The following SDK1 variants were observed in gnomAD, a reference collection of about 807,000 sequenced individuals.
SDK1 encodes the protein sidekick cell adhesion molecule 1.
In SDK1, 157 loss-of-function variants were observed where a neutral mutation model predicts 245.5. The observed-to-expected ratio is 0.64, with a 90% confidence interval of 0.56 to 0.73. SDK1 has a LOEUF of 0.73. SDK1 is among the 30% of genes least tolerant of loss of function. SDK1 has a pLI of 0.00. For missense variants in SDK1, 3,583 were observed against 3,002.3 expected (o/e 1.19, Z -4.52); for synonymous variants, 1,647 against 1,278.5 (o/e 1.29, Z -6.15).
rs138240297 is a variant in SDK1 at position 3,899,402 on chromosome 7, A to G, written c.848-51521A>G. ...TAGCCAAAAGGCCCATTTAAATCCT[A>G]TGTCTACCACGTGAGATGCAACTTA... On this transcript the variant is annotated intron_variant, in intron 5 of 44. Transcript: ENST00000404826. Among the ~76,000 whole-genome samples, 595 of 152,220 alleles carry G rather than the reference A, an allele frequency of 3.9e-3. 2 individuals are homozygous for G. Among genetic ancestry groups the G allele is most frequent in the Middle Eastern group, 6.8e-3 (2 of 294 alleles).
At chr7:3,585,193 A>G (rs771591729) in intron 1 of SDK1, among the ~76,000 whole-genome samples, 104 of 152,304 alleles carry the variant, frequency 6.8e-4, no homozygotes, top group Non-Finnish European at 1.2e-3. Context: ...ACTCTGACTG[A>G]GTGCTAGAGA....
intron 1 of SDK1, among the ~76,000 whole-genome samples, chr7:3,400,500 A>C (rs1778860517): frequency 6.6e-6 from 1 of 152,164 alleles, no homozygotes; most frequent in African/African-American, 2.4e-5. Flanking sequence ...CCATTTTATC[A>C]ACTTAGAAAC....
chr7:3,862,608 A>G (rs2115119779), intron 5 of SDK1, among the ~76,000 whole-genome samples: 1 of 152,320 alleles, frequency 6.6e-6, no homozygotes, highest in South Asian at 2.1e-4. Context: ...GCAAAGCTTG[A>G]ATAGTCAGTG....
intron 1 of SDK1, among the ~76,000 whole-genome samples, chr7:3,383,660 T>G (rs370842432): frequency 1.3e-5 from 2 of 152,176 alleles, no homozygotes; most frequent in East Asian, 3.8e-4. Context: ...TAAAGAGGCA[T>G]GGACAATTAA....
intron 1 of SDK1, among the ~76,000 whole-genome samples, chr7:3,524,982 A>C (rs1217259426): frequency 6.6e-6 from 1 of 152,194 alleles, no homozygotes; most frequent in Non-Finnish European, 1.5e-5. Context: ...GATTCAACCA[A>C]TTGTGGATCA....
chr7:3,523,504 G>C (rs893137446), intron 1 of SDK1, among the ~76,000 whole-genome samples: 1 of 152,094 alleles, frequency 6.6e-6, no homozygotes, highest in Admixed American at 6.6e-5. Flanking sequence ...TCTCTGCCTG[G>C]TGAACGGCTG....
chr7:3,313,100 A>G (rs1779587931), intron 1 of SDK1, among the ~76,000 whole-genome samples: 1 of 152,190 alleles, frequency 6.6e-6, no homozygotes, highest in Non-Finnish European at 1.5e-5. Context: ...CATATAAAGT[A>G]TTATGATACT....
intron 4 of SDK1, among the ~76,000 whole-genome samples, chr7:3,733,496 C>A (rs1350801705): frequency 1.3e-5 from 2 of 152,082 alleles, no homozygotes; most frequent in Non-Finnish European, 2.9e-5. Context: ...TACAAGTTGC[C>A]CTGCTCTGGA....
intron 1 of SDK1, among the ~76,000 whole-genome samples, chr7:3,523,692 C>G (rs1366964291): frequency 6.6e-6 from 1 of 152,066 alleles, no homozygotes; most frequent in Non-Finnish European, 1.5e-5. Flanking sequence ...GACTCCCAGC[C>G]TCCCAGAGCA....
Position 4,161,708 on chromosome 7 carries a change from C to T in SDK1, c.4730-78C>T, listed in dbSNP as rs899234288. On this transcript the variant is annotated intron_variant, in intron 31 of 44. Coordinates refer to ENST00000404826, the MANE Select transcript of SDK1 (RefSeq NM_152744.4). ...CAGGGCTCACCAGCCTCCCCATACTCACTGAGGGTGGCCCTGGGAAGGGCG... is the reference window on the plus strand; with the variant it reads ...CAGGGCTCACCAGCCTCCCCATACTTACTGAGGGTGGCCCTGGGAAGGGCG... 3.2e-5 allele frequency: 38 copies of T among 1,182,340 alleles called. No individual in the cohort carries two copies. The East Asian group carries it at 8.7e-4, about 27-fold the overall frequency. The allele number at this position is 1,182,340 out of a possible 1,614,324, so 73.2% of individuals were successfully genotyped here.
chr7:3,474,305 A>C (rs1781280332), intron 1 of SDK1, among the ~76,000 whole-genome samples: 1 of 151,622 alleles, frequency 6.6e-6, no homozygotes, highest in Middle Eastern at 3.4e-3. Flanking sequence ...CATGTTGGCC[A>C]GGATGGTCTC....
chr7:3,345,928 A>C (rs1484303523), intron 1 of SDK1, among the ~76,000 whole-genome samples: 1 of 152,198 alleles, frequency 6.6e-6, no homozygotes, highest in Non-Finnish European at 1.5e-5. Context: ...CAGTGTCATC[A>C]CCCACTGCAG....
At position 3,947,489 on chromosome 7, in the gene SDK1, G is replaced by A. The variant is rs116889954; in HGVS notation, c.848-3434G>A. Reference sequence around the variant, plus strand: ...CTTTCTTCTACAGATTTTTTTCACCGGGATTTCTAATTGCCTTTCCTTTTA... The same window carrying A: ...CTTTCTTCTACAGATTTTTTTCACCAGGATTTCTAATTGCCTTTCCTTTTA... On this transcript the variant is annotated intron_variant, in intron 5 of 44. Transcript: ENST00000404826. 6.6e-3 allele frequency among the ~76,000 whole-genome samples: 992 copies of A among 150,374 alleles called. 9 individuals are homozygous for A. The highest frequency in any genetic ancestry group is 8.3e-3 in the Non-Finnish European group (562 of 67,746).
intron 4 of SDK1, among the ~76,000 whole-genome samples, chr7:3,795,803 C>G (rs541785114): frequency 6.6e-6 from 1 of 152,160 alleles, no homozygotes; most frequent in African/African-American, 2.4e-5. Context: ...GGTTTATACC[C>G]ATTTGTATTC....
chr7:3,569,336 C>G (rs1007422617), intron 1 of SDK1, among the ~76,000 whole-genome samples: 1 of 152,220 alleles, frequency 6.6e-6, no homozygotes, highest in African/African-American at 2.4e-5. Flanking sequence ...GTGATCTGCT[C>G]TCTAGCAACT....
chr7:3,751,815 C>T (rs1026602575), intron 4 of SDK1, among the ~76,000 whole-genome samples: 2 of 152,166 alleles, frequency 1.3e-5, no homozygotes, highest in African/African-American at 2.4e-5. Context: ...CCTTCCATTT[C>T]CTCTGAGGAC....
At chr7:4,100,455 G>A (rs1242563412) in intron 22 of SDK1, among the ~76,000 whole-genome samples, 1 of 152,052 alleles carries the variant, frequency 6.6e-6, no homozygotes, top group African/African-American at 2.4e-5. Flanking sequence ...ACCAGGCGCT[G>A]TGGACTGAGC....
chr7:3,549,423 A>G (rs531750220), intron 1 of SDK1, among the ~76,000 whole-genome samples: 12 of 152,328 alleles, frequency 7.9e-5, no homozygotes, highest in African/African-American at 2.9e-4. Context: ...GTGAGTTGCT[A>G]TCTTAACTTA....
rs1394181499 is a variant in SDK1 at position 3,780,576 on chromosome 7, A to C, written c.714-40874A>C. On this transcript the variant is annotated intron_variant, in intron 4 of 44. Transcript: ENST00000404826. Reference sequence around the variant, plus strand: ...ACCTAGCCTGAGTTCCTAGAATGCTATTCTCCCTGGCTAGCTTCAGAGCCC... The same window carrying C: ...ACCTAGCCTGAGTTCCTAGAATGCTCTTCTCCCTGGCTAGCTTCAGAGCCC... 2.6e-5 allele frequency among the ~76,000 whole-genome samples: 4 copies of C among 152,304 alleles called. No individual in the cohort carries two copies. The South Asian group carries it at 6.2e-4, about 24-fold the overall frequency.
Sources: gnomAD v4.1 joint callset for allele counts (sites outside exome capture counted in the v4.1 genomes callset) on GRCh38, gnomAD v4.1.1 for gene constraint, MANE v1.5 for transcripts, NCBI Gene and HGNC (gene_info 2026-07-23, HGNC 2026-07-21) for gene names.